Variants in PEPD observed in about 807,000 individuals in gnomAD.
PEPD encodes peptidase D.
A neutral mutation model predicts 60.7 loss-of-function variants in PEPD; 53 were observed. That is an observed-to-expected ratio of 0.87 (90% CI 0.70 to 1.10). PEPD has a LOEUF of 1.10. Among genes scored for constraint, PEPD ranks in the 50% least tolerant of loss-of-function variants. PEPD has a pLI of 0.00. For synonymous variants in PEPD, 267 were observed against 284.1 expected (o/e 0.94, Z 0.60); for missense variants, 711 against 711.9 (o/e 1.00, Z 0.01).
rs557276145 is a variant in PEPD at position 33,411,894 on chromosome 19, G to A, written c.741-145C>T. The A allele has an allele frequency of 5.1e-4, 357 of 701,194 alleles. 4 individuals carry two copies. The highest frequency in any genetic ancestry group is 4.4e-3 in the South Asian group (294 of 66,722). 43.4% of individuals were successfully genotyped at this position (701,194 alleles called of 1,614,324 possible). A position where few individuals can be genotyped will look rare whatever the true frequency, so the allele number is the denominator to read the frequency against. ...CAGGCGTGGCTGGACCAGGTCCACA[G>A]CCAGAGGTAAGGCCGGGGGACATGG... On this transcript the variant is annotated intron_variant, in intron 10 of 14. Coordinates refer to ENST00000244137, the MANE Select transcript of PEPD (RefSeq NM_000285.4).
intron 10 of PEPD, among the ~76,000 whole-genome samples, chr19:33,412,187 TG>T (rs1485677724): frequency 6.6e-6 from 1 of 151,538 alleles, no homozygotes; most frequent in African/African-American, 2.4e-5. Context: ...CTACAGAAAA[TG>T]CAAAAAAAAT....
At chr19:33,464,663 G>A (rs73590264) in intron 7 of PEPD, among the ~76,000 whole-genome samples, 1,821 of 152,288 alleles carry the variant, frequency 0.012, 39 homozygotes, top group African/African-American at 0.041. Flanking sequence ...AGCCACAGAT[G>A]AGAGGGTGGT....
chr19:33,460,797 G>A (rs1969911853), intron 9 of PEPD, among the ~76,000 whole-genome samples: 1 of 152,184 alleles, frequency 6.6e-6, no homozygotes, highest in South Asian at 2.1e-4. Flanking sequence ...GGTGCACTCG[G>A]CTGTGGCCTC....
At chr19:33,497,257 TTACA>T (rs1414573980) in intron 4 of PEPD, among the ~76,000 whole-genome samples, 2 of 152,270 alleles carry the variant, frequency 1.3e-5, no homozygotes, top group Non-Finnish European at 2.9e-5. Flanking sequence ...GGTTGTCCTC[TTACA>T]TCTGTCCTGC....
chr19:33,464,205 C>A, intron 7 of PEPD, 143 bp from the exon 8 acceptor site: 1 of 706,700 alleles, frequency 1.4e-6, no homozygotes, highest in South Asian at 1.5e-5. Flanking sequence ...GCCACCAAGG[C>A]CCAGGAGTGA....
Position 33,391,596 on chromosome 19 carries a change from G to A in PEPD, c.968-117C>T, listed in dbSNP as rs965475218. The A allele has an allele frequency of 7.4e-6, 7 of 948,766 alleles. No homozygotes were observed. In the East Asian group the frequency reaches 1.6e-4, roughly 21 times the overall value. The allele number at this position is 948,766 out of a possible 1,614,324, so 58.8% of individuals were successfully genotyped here. Reference sequence around the variant, plus strand: ...CTGTGGTGGGAGGGCCTGAGGTGGGGGGTGAGGGGGCAAGGGTACTACATC... The same window carrying A: ...CTGTGGTGGGAGGGCCTGAGGTGGGAGGTGAGGGGGCAAGGGTACTACATC... On this transcript the variant is annotated intron_variant, in intron 12 of 14. Transcript: ENST00000244137.
chr19:33,434,840 C>A lies in PEPD; in HGVS notation c.672-21197G>T, dbSNP rs372162248. 2.0e-5 allele frequency among the ~76,000 whole-genome samples: 3 copies of A among 152,012 alleles called. No individual in the cohort carries two copies. In the South Asian group the frequency reaches 6.3e-4, roughly 32 times the overall value. ...CTGGCACATCACACATACGGTCCAG[C>A]CCTCCTCGGTCCCTGACCCTCCCTG... On this transcript the variant is annotated intron_variant, in intron 9 of 14. Coordinates refer to ENST00000244137, the MANE Select transcript of PEPD (RefSeq NM_000285.4).
intron 9 of PEPD, among the ~76,000 whole-genome samples, chr19:33,443,807 G>A (rs1969534551): frequency 6.6e-6 from 1 of 152,240 alleles, no homozygotes; most frequent in Admixed American, 6.5e-5. Context: ...AGCACACAGT[G>A]TGTCCTCAGG....
chr19:33,392,805 C>T (rs56134610), intron 12 of PEPD, among the ~76,000 whole-genome samples: 8,859 of 152,146 alleles, frequency 0.058, 854 homozygotes, highest in African/African-American at 0.2. Context: ...CTGTGGCTGG[C>T]GGAGGGCAGA....
rs1267850884 is a variant in PEPD, at chr19:33,429,899, G to A, written c.672-16256C>T. 4.6e-5 allele frequency among the ~76,000 whole-genome samples: 7 copies of A among 152,182 alleles called. No individual in the cohort carries two copies. In the East Asian group the frequency reaches 1.3e-3, roughly 29 times the overall value. On this transcript the variant is annotated intron_variant, in intron 9 of 14. Coordinates refer to ENST00000244137, the MANE Select transcript of PEPD (RefSeq NM_000285.4). ...TTTAAGCTCGTCAGTAATCAAATCA[G>A]CAAAAATAAAGACGGGGTATTACTT...
intron 7 of PEPD, among the ~76,000 whole-genome samples, chr19:33,471,356 C>T (rs1465203214): frequency 6.6e-6 from 1 of 152,180 alleles, no homozygotes; most frequent in Non-Finnish European, 1.5e-5. Context: ...GCACAAACAC[C>T]AGAAACTGTT....
At position 33,442,541 on chromosome 19, in the gene PEPD, A is replaced by AT. The variant is rs201766350; in HGVS notation, c.671+20453dup. Reference sequence around the variant, plus strand: ...CAGTGAAAACCCATCTCTACTAAAAATAAAATAAAAAAAAAAAATTAGCCG... The same window carrying AT: ...CAGTGAAAACCCATCTCTACTAAAAATTAAAATAAAAAAAAAAAATTAGCCG... On this transcript the variant is annotated intron_variant, in intron 9 of 14. Coordinates refer to ENST00000244137, the MANE Select transcript of PEPD (RefSeq NM_000285.4). Among the ~76,000 whole-genome samples the AT allele has an allele frequency of 2.2e-3, 289 of 129,320 alleles. 1 individual carries two copies. The highest frequency in any genetic ancestry group is 7.1e-3 in the African/African-American group (257 of 36,216). 84.8% of individuals were successfully genotyped at this position (129,320 alleles called of 152,430 possible).
chr19:33,462,836 C>T (rs542582179), intron 9 of PEPD, 159 bp downstream of exon 9: 25 of 716,936 alleles, frequency 3.5e-5, no homozygotes, highest in African/African-American at 2.1e-4. Context: ...CGGGCGCAGT[C>T]AGAAGAAAAA....
intron 13 of PEPD, 130 bp downstream of exon 13, chr19:33,391,165 G>T: frequency 1.3e-6 from 1 of 778,992 alleles, no homozygotes; most frequent in Non-Finnish European, 2.2e-6. Context: ...GTATACCACA[G>T]GGAGCCATGG....
intron 12 of PEPD, among the ~76,000 whole-genome samples, chr19:33,397,322 A>G (rs942328438): frequency 1.4e-5 from 2 of 142,300 alleles, no homozygotes; most frequent in African/African-American, 5.3e-5. Context: ...TGCTTTATTT[A>G]CTCTCCCTGG....
chr19:33,438,879 C>T (rs1969430370), intron 9 of PEPD, among the ~76,000 whole-genome samples: 2 of 152,208 alleles, frequency 1.3e-5, no homozygotes, highest in South Asian at 4.1e-4. Context: ...ACCACCATGC[C>T]CAGTTAATTT....
At chr19:33,404,453 T>C (rs1393573775) in intron 11 of PEPD, among the ~76,000 whole-genome samples, 1 of 110,468 alleles carries the variant, frequency 9.1e-6, no homozygotes, top group Non-Finnish European at 1.8e-5. Flanking sequence ...AACTATCGTT[T>C]AAAAAACAAC....
chr19:33,396,597 G>C (rs1228569547), intron 12 of PEPD, among the ~76,000 whole-genome samples: 1 of 151,326 alleles, frequency 6.6e-6, no homozygotes, highest in East Asian at 2.0e-4. Flanking sequence ...TGAATCGTGG[G>C]CCACCATTGC....
At chr19:33,467,307 T>A (rs550092400) in intron 7 of PEPD, among the ~76,000 whole-genome samples, 1 of 152,140 alleles carries the variant, frequency 6.6e-6, no homozygotes, top group African/African-American at 2.4e-5. Context: ...TAGTTCTGCA[T>A]AGACCACGGT....
Sources: gnomAD v4.1 joint callset for allele counts (sites outside exome capture counted in the v4.1 genomes callset) on GRCh38, gnomAD v4.1.1 for gene constraint, MANE v1.5 for transcripts, NCBI Gene and HGNC (gene_info 2026-07-23, HGNC 2026-07-21) for gene names.